SPOCK1: variants seen among roughly 807,000 people sequenced by gnomAD.
SPOCK1 encodes the protein testican-1.
Under a neutral mutation model 55.3 loss-of-function variants are expected in SPOCK1, and 23 were observed. That is an observed-to-expected ratio of 0.42 (90% CI 0.30 to 0.59). SPOCK1 has a LOEUF of 0.59. SPOCK1 is among the 20% of genes least tolerant of loss of function. SPOCK1 has a pLI of 0.22. For synonymous variants in SPOCK1, 226 were observed against 221.0 expected (o/e 1.02, Z -0.20); for missense variants, 499 against 552.5 (o/e 0.90, Z 0.97).
chr5:137,247,227 C>T (rs929464724), intron 3 of SPOCK1, among the ~76,000 whole-genome samples: 2 of 152,078 alleles, frequency 1.3e-5, no homozygotes, highest in Non-Finnish European at 2.9e-5. Flanking sequence ...TGGAGGGGAG[C>T]TGGAGATGAA....
chr5:137,206,328 A>T (rs1755520160), intron 3 of SPOCK1, among the ~76,000 whole-genome samples: 1 of 152,232 alleles, frequency 6.6e-6, no homozygotes, highest in Admixed American at 6.5e-5. Context: ...CCCCAAGGCC[A>T]TGCCGGCCTC....
chr5:137,201,368 T>G (rs1755422291), intron 3 of SPOCK1, among the ~76,000 whole-genome samples: 1 of 152,160 alleles, frequency 6.6e-6, no homozygotes. Context: ...CCAAAGACCA[T>G]TCAGTCAATT....
intron 2 of SPOCK1, among the ~76,000 whole-genome samples, chr5:137,323,777 CGA>C (rs1758023424): frequency 6.6e-6 from 1 of 152,072 alleles, no homozygotes; most frequent in African/African-American, 2.4e-5. Context: ...AACCACAATA[CGA>C]TATTACCTCA....
At chr5:137,385,455 G>C (rs1440302265) in intron 2 of SPOCK1, among the ~76,000 whole-genome samples, 2 of 152,192 alleles carry the variant, frequency 1.3e-5, no homozygotes, top group Non-Finnish European at 2.9e-5. Flanking sequence ...ACACACTTCA[G>C]ACTTTGCATA....
intron 2 of SPOCK1, among the ~76,000 whole-genome samples, chr5:137,456,795 T>A (rs1394751522): frequency 6.6e-6 from 1 of 152,168 alleles, no homozygotes; most frequent in African/African-American, 2.4e-5. Flanking sequence ...CTAGAACCAA[T>A]GGGAAATTTA....
At chr5:137,249,189 G>A (rs1756460404) in intron 3 of SPOCK1, among the ~76,000 whole-genome samples, 1 of 152,184 alleles carries the variant, frequency 6.6e-6, no homozygotes. Context: ...GAGAGTTAAT[G>A]TAAGTAAAAC....
intron 7 of SPOCK1, among the ~76,000 whole-genome samples, chr5:136,991,617 T>TATATTTTGACCAAATAATATCAGAATGGC (rs1750948915): frequency 6.6e-6 from 1 of 152,224 alleles, no homozygotes; most frequent in Non-Finnish European, 1.5e-5. Flanking sequence ...GATGTGTTTT[T>TATATTTTGACCAAATAATATCAGAATGGC]ATATTTTGAC....
intron 9 of SPOCK1, 39 bp downstream of exon 9, chr5:136,985,101 A>G: frequency 1.3e-6 from 2 of 1,588,100 alleles, no homozygotes. Context: ...TGGCTGGCTT[A>G]ATTAGTTGTT....
At chr5:137,053,247 C>G (rs13174286) in intron 6 of SPOCK1, among the ~76,000 whole-genome samples, 94,397 of 151,876 alleles carry the variant, frequency 0.62, 34,221 homozygotes, top group Non-Finnish European at 0.8. Context: ...CACAGGGCGC[C>G]AGAGGGCAAA....
At chr5:137,280,086 G>A (rs185165626) in intron 2 of SPOCK1, among the ~76,000 whole-genome samples, 10 of 152,168 alleles carry the variant, frequency 6.6e-5, no homozygotes, top group Middle Eastern at 3.4e-3. Flanking sequence ...GCTCTCACTC[G>A]GCCTTTGAAA....
intron 2 of SPOCK1, among the ~76,000 whole-genome samples, chr5:137,341,211 G>A (rs958584100): frequency 3.3e-5 from 5 of 152,264 alleles, no homozygotes; most frequent in African/African-American, 4.8e-5. Flanking sequence ...TGCAAGGCAA[G>A]GTCTCAGAGA....
chr5:137,239,729 T>C (rs1756248173), intron 3 of SPOCK1, among the ~76,000 whole-genome samples: 1 of 152,164 alleles, frequency 6.6e-6, no homozygotes, highest in African/African-American at 2.4e-5. Context: ...AGAAAAAGTT[T>C]TTCCCTTTAA....
intron 2 of SPOCK1, among the ~76,000 whole-genome samples, chr5:137,466,142 A>T (rs75023435): frequency 6.6e-6 from 1 of 152,254 alleles, no homozygotes; most frequent in Non-Finnish European, 1.5e-5. Flanking sequence ...TTCATCTTGC[A>T]GAAGTTGAAA....
chr5:137,159,392 G>A (rs1580782249), intron 3 of SPOCK1, among the ~76,000 whole-genome samples: 2 of 151,996 alleles, frequency 1.3e-5, no homozygotes, highest in South Asian at 2.1e-4. Context: ...AAAACCTAAC[G>A]TTTTCTGGGA....
intron 2 of SPOCK1, among the ~76,000 whole-genome samples, chr5:137,281,900 G>A (rs1303227512): frequency 6.6e-6 from 1 of 152,182 alleles, no homozygotes; most frequent in East Asian, 1.9e-4. Flanking sequence ...AAAATTAACG[G>A]TTCTGTTTCC....
At chr5:137,291,223 G>A (rs61652705) in intron 2 of SPOCK1, among the ~76,000 whole-genome samples, 7,494 of 152,280 alleles carry the variant, frequency 0.049, 287 homozygotes, top group East Asian at 0.12. Flanking sequence ...GACAGACACT[G>A]GAGGAGCAGA....
intron 2 of SPOCK1, among the ~76,000 whole-genome samples, chr5:137,450,841 G>A (rs1456859647): frequency 6.7e-6 from 1 of 148,380 alleles, no homozygotes; most frequent in Non-Finnish European, 1.5e-5. Flanking sequence ...CTGCATCCGT[G>A]TCATCCCATC....
intron 2 of SPOCK1, among the ~76,000 whole-genome samples, chr5:137,274,988 CAAATT>C (rs1399360536): frequency 6.6e-6 from 1 of 152,142 alleles, no homozygotes; most frequent in Non-Finnish European, 1.5e-5. Flanking sequence ...TAATTGTAAA[CAAATT>C]AATTAAAGTT....
chr5:137,046,116 T>C (rs1373376551), intron 6 of SPOCK1, among the ~76,000 whole-genome samples: 1 of 30,300 alleles, frequency 3.3e-5, no homozygotes. Flanking sequence ...TAGGATTGAC[T>C]TGGCGATGCG....
Sources: allele counts gnomAD v4.1 joint callset (sites outside exome capture counted in the v4.1 genomes callset), GRCh38; gene constraint gnomAD v4.1.1; transcripts MANE v1.5; gene names NCBI Gene and HGNC (gene_info 2026-07-23, HGNC 2026-07-21).